PTPRG: variants seen among roughly 807,000 people sequenced by gnomAD.
PTPRG encodes receptor-type tyrosine-protein phosphatase gamma.
In PTPRG, 102 loss-of-function variants were observed where a neutral mutation model predicts 165.3. That is an observed-to-expected ratio of 0.62 (90% CI 0.53 to 0.73). The LOEUF (loss-of-function observed/expected upper bound fraction) is 0.73, where lower values mean the gene tolerates loss of function less well. PTPRG is among the 30% of genes least tolerant of loss of function. PTPRG has a pLI of 0.00. For missense variants in PTPRG, 1,866 were observed against 1,861.4 expected, an observed-to-expected ratio of 1.00 and a Z score of -0.05; for synonymous variants, 675 against 669.5, an observed-to-expected ratio of 1.01 and a Z score of -0.13.
chr3:61,986,747 T>C (rs925277019), intron 2 of PTPRG, among the ~76,000 whole-genome samples: 3 of 152,170 alleles, frequency 2.0e-5, no homozygotes, highest in Non-Finnish European at 2.9e-5. Flanking sequence ...GCTGCCAAAA[T>C]ACAGATGTCT....
At chr3:61,964,733 C>T (rs971871695) in intron 2 of PTPRG, among the ~76,000 whole-genome samples, 4 of 152,068 alleles carry the variant, frequency 2.6e-5, no homozygotes, top group African/African-American at 7.2e-5. Context: ...GTTTTACACG[C>T]GTGGCTCAGC....
At position 62,293,847 on chromosome 3, in the gene PTPRG, G is replaced by GT. The variant is rs1290442505; in HGVS notation, c.*542dup. On this transcript the variant is annotated 3_prime_UTR_variant, in exon 30 of 30. Coordinates refer to ENST00000474889, the MANE Select transcript of PTPRG (RefSeq NM_002841.4). ...AGGCTACTGGGACCTAAAAAGGTCT[G>GT]TTAATGTCATGGCCTTGAAACAGTT... 1 of 152,516 alleles carries GT rather than the reference G, an allele frequency of 6.6e-6. No individual in the cohort carries two copies. Among genetic ancestry groups the GT allele is most frequent in the Non-Finnish European group, 1.5e-5 (1 of 68,008 alleles). 9.4% of individuals were successfully genotyped at this position (152,516 alleles called of 1,614,324 possible).
intron 1 of PTPRG, among the ~76,000 whole-genome samples, chr3:61,610,813 C>T (rs28735383): frequency 8.1e-6 from 1 of 123,684 alleles, no homozygotes; most frequent in African/African-American, 2.9e-5. Context: ...TTCTCTATCT[C>T]TCTCTTTGTT....
rs114403881 is a variant in PTPRG at position 61,737,140 on chromosome 3, C to G, written c.86-11738C>G. 8.0e-3 allele frequency among the ~76,000 whole-genome samples: 1,222 copies of G among 152,232 alleles called. 23 individuals are homozygous for G. The highest frequency in any genetic ancestry group is 0.027 in the African/African-American group (1,142 of 41,550). On this transcript the variant is annotated intron_variant, in intron 1 of 29. Coordinates refer to ENST00000474889, the MANE Select transcript of PTPRG (RefSeq NM_002841.4). ...TATCATCTCTCCCTGTCAATGCCCT[C>G]AACTAAAATGATGTTTCTTTTCTCC... is the stretch of plus-strand genomic sequence containing the variant.
intron 10 of PTPRG, among the ~76,000 whole-genome samples, chr3:62,201,225 A>G (rs1209797744): frequency 6.6e-6 from 1 of 152,228 alleles, no homozygotes; most frequent in Non-Finnish European, 1.5e-5. Context: ...ACCTCAATAA[A>G]ACAGAAAACA....
At chr3:61,699,536 A>C (rs1029759926) in intron 1 of PTPRG, among the ~76,000 whole-genome samples, 3 of 152,194 alleles carry the variant, frequency 2.0e-5, no homozygotes, top group African/African-American at 7.2e-5. Flanking sequence ...GCTTTTACCT[A>C]TTATTGAGAG....
intron 28 of PTPRG, among the ~76,000 whole-genome samples, chr3:62,285,573 A>T (rs962989726): frequency 6.6e-6 from 1 of 151,338 alleles, no homozygotes; most frequent in African/African-American, 2.4e-5. Flanking sequence ...ATTTCTAGAT[A>T]AGTGAGCTAA....
intron 5 of PTPRG, among the ~76,000 whole-genome samples, chr3:62,088,903 C>T (rs185470678): frequency 3.9e-5 from 6 of 152,190 alleles, no homozygotes; most frequent in Admixed American, 6.5e-5. Context: ...ACTGTTGTCT[C>T]TTGCGAAATC....
chr3:62,028,884 C>T (rs941294611), intron 4 of PTPRG, among the ~76,000 whole-genome samples: 2 of 152,110 alleles, frequency 1.3e-5, no homozygotes, highest in African/African-American at 4.8e-5. Flanking sequence ...GTTCCTAATG[C>T]TTTTTTGAGT....
At chr3:61,767,735 G>T in intron 2 of PTPRG, among the ~76,000 whole-genome samples, 1 of 152,080 alleles carries the variant, frequency 6.6e-6, no homozygotes, top group Admixed American at 6.6e-5. Flanking sequence ...TTGGGAAGCC[G>T]AGGTGGGAGG....
chr3:62,263,853 A>G (rs1559724769), intron 17 of PTPRG: 1 of 152,184 alleles, frequency 6.6e-6, no homozygotes, highest in Non-Finnish European at 1.5e-5. Flanking sequence ...TCTCTACAAA[A>G]AATACTAAAC....
intron 27 of PTPRG, among the ~76,000 whole-genome samples, chr3:62,282,323 A>G (rs1702480060): frequency 6.6e-6 from 1 of 152,008 alleles, no homozygotes. Flanking sequence ...TCCTGGGCTC[A>G]AGCGATCCTT....
chr3:61,695,415 G>A (rs775552385), intron 1 of PTPRG, among the ~76,000 whole-genome samples: 3 of 152,134 alleles, frequency 2.0e-5, no homozygotes, highest in African/African-American at 4.8e-5. Flanking sequence ...TGAAATGGGT[G>A]GACCACCATT....
chr3:62,264,377 G>A lies in PTPRG; in HGVS notation c.2656+1483G>A, dbSNP rs370221272. Among the ~76,000 whole-genome samples, 9 of 151,914 alleles carry A rather than the reference G, an allele frequency of 5.9e-5. No individual in the cohort carries two copies. The South Asian group carries it at 8.3e-4, about 14-fold the overall frequency. ...TTTTAGTATATTCACGGAGTTGTAC[G>A]ATCATCACCACAATCTAATTTTAGA... On this transcript the variant is annotated intron_variant, in intron 17 of 29. Transcript: ENST00000474889.
intron 4 of PTPRG, among the ~76,000 whole-genome samples, chr3:62,066,931 A>G (rs1442342077): frequency 6.6e-6 from 1 of 151,232 alleles, no homozygotes; most frequent in Non-Finnish European, 1.5e-5. Flanking sequence ...CCAGCTACTC[A>G]GGAGGCGGAG....
At chr3:61,810,673 C>T (rs2035547486) in intron 2 of PTPRG, among the ~76,000 whole-genome samples, 1 of 152,182 alleles carries the variant, frequency 6.6e-6, no homozygotes, top group African/African-American at 2.4e-5. Context: ...ACAGATTTCT[C>T]TTCTCAGCTC....
At chr3:61,958,283 C>T (rs2040078730) in intron 2 of PTPRG, among the ~76,000 whole-genome samples, 1 of 152,064 alleles carries the variant, frequency 6.6e-6, no homozygotes, top group African/African-American at 2.4e-5. Flanking sequence ...CGTGCCACCA[C>T]ACCAGGCTAG....
chr3:61,981,061 C>T (rs1035625694), intron 2 of PTPRG, among the ~76,000 whole-genome samples: 1 of 152,224 alleles, frequency 6.6e-6, no homozygotes, highest in African/African-American at 2.4e-5. Context: ...CATAGTTCCA[C>T]ATGGCTGGGG....
At chr3:62,083,076 CAA>C (rs1375882364) in intron 5 of PTPRG, among the ~76,000 whole-genome samples, 2 of 152,172 alleles carry the variant, frequency 1.3e-5, no homozygotes, top group East Asian at 3.9e-4. Flanking sequence ...TTAAAACACT[CAA>C]GAGAATAAAT....
Sources: allele counts gnomAD v4.1 joint callset (sites outside exome capture counted in the v4.1 genomes callset), GRCh38; gene constraint gnomAD v4.1.1; transcripts MANE v1.5; gene names NCBI Gene and HGNC (gene_info 2026-07-23, HGNC 2026-07-21).